The following WBP2NL variants were observed in gnomAD, a reference collection of about 807,000 sequenced individuals.
WBP2NL encodes the protein WBP2 N-terminal like, also known as postacrosomal sheath WW domain-binding protein.
WBP2NL carries 27 observed loss-of-function variants against 23.3 expected under a neutral mutation model. The ratio of observed to expected loss-of-function variants is 1.16; its 90% CI spans 0.85 to 1.60. The LOEUF (loss-of-function observed/expected upper bound fraction) is 1.60. WBP2NL is among the 40% of genes most tolerant of loss of function. The pLI, the probability that WBP2NL is intolerant of heterozygous loss-of-function variation, is 0.00. For missense variants in WBP2NL, 370 were observed against 389.5 expected, an observed-to-expected ratio of 0.95 and a Z score of 0.42; for synonymous variants, 151 against 145.9, an observed-to-expected ratio of 1.03 and a Z score of -0.25.
intron 1 of WBP2NL, among the ~76,000 whole-genome samples, chr22:42,010,131 A>G (rs563685240): frequency 1.2e-3 from 182 of 152,332 alleles, no homozygotes; most frequent in African/African-American, 4.3e-3. Flanking sequence ...TAGAAATGCA[A>G]CTATATTTGT....
At chr22:42,001,181 G>T in intron 1 of WBP2NL, 1 of 784,996 alleles carries the variant, frequency 1.3e-6, no homozygotes, top group Non-Finnish European at 2.3e-6. Flanking sequence ...TTCATCATGA[G>T]TAATCTTCCT....
rs199831695 is a variant in WBP2NL, at chr22:42,022,245, C to G, written c.407-4C>G. ...TTCCTATTTTGCCAAATTTGTCTTTCCAGCTGCCCGAGGATTTCCACTTAG... is the reference window on the plus strand; with the variant it reads ...TTCCTATTTTGCCAAATTTGTCTTTGCAGCTGCCCGAGGATTTCCACTTAG... On this transcript the variant is annotated splice_polypyrimidine_tract_variant and splice_region_variant and intron_variant, in intron 4 of 5. Coordinates refer to ENST00000328823, the MANE Select transcript of WBP2NL (RefSeq NM_152613.3). 44 of 1,614,066 alleles carry G rather than the reference C, an allele frequency of 2.7e-5. No homozygotes were observed. The African/African-American group carries it at 5.1e-4, about 19-fold the overall frequency.
At chr22:42,007,247 G>C (rs1282940751) in intron 1 of WBP2NL, among the ~76,000 whole-genome samples, 3 of 151,644 alleles carry the variant, frequency 2.0e-5, no homozygotes, top group Admixed American at 2.0e-4. Context: ...TGGTTTTTTT[G>C]GTCATTACTA....
intron 1 of WBP2NL, among the ~76,000 whole-genome samples, chr22:42,017,525 C>T (rs962978424): frequency 1.3e-5 from 2 of 152,106 alleles, no homozygotes; most frequent in Non-Finnish European, 2.9e-5. Flanking sequence ...CAGTTTGTTA[C>T]TAATAAATGT....
At chr22:42,015,420 T>G (rs1340066531) in intron 1 of WBP2NL, among the ~76,000 whole-genome samples, 2 of 152,120 alleles carry the variant, frequency 1.3e-5, no homozygotes, top group East Asian at 3.9e-4. Context: ...CTTTTTTTTT[T>G]GAGACAGAGT....
chr22:42,005,150 G>A (rs1445715442), intron 1 of WBP2NL, among the ~76,000 whole-genome samples: 1 of 151,888 alleles, frequency 6.6e-6, no homozygotes, highest in Non-Finnish European at 1.5e-5. Context: ...CCAGGAGGCG[G>A]AGGTTGCAAT....
chr22:42,007,519 C>G (rs530633111), intron 1 of WBP2NL, among the ~76,000 whole-genome samples: 13 of 152,310 alleles, frequency 8.5e-5, no homozygotes, highest in African/African-American at 3.1e-4. Flanking sequence ...CTTCACCATA[C>G]TTTTCCCAAC....
At chr22:42,025,642 A>G (rs1483288241) in intron 5 of WBP2NL, among the ~76,000 whole-genome samples, 4 of 152,124 alleles carry the variant, frequency 2.6e-5, no homozygotes, top group Admixed American at 2.6e-4. Flanking sequence ...GCTTGGGTTT[A>G]TTTCTGGACT....
At chr22:42,003,162 A>AG (rs1921871392) in intron 1 of WBP2NL, 1 of 151,870 alleles carries the variant, frequency 6.6e-6, no homozygotes, top group Non-Finnish European at 1.4e-5. Context: ...CCATCTCAAA[A>AG]AAAAAAAAAA....
At chr22:42,043,212 A>G (rs1046655486) in intron 8 of WBP2NL, among the ~76,000 whole-genome samples, 1 of 151,966 alleles carries the variant, frequency 6.6e-6, no homozygotes, top group Non-Finnish European at 1.5e-5. Context: ...GGAGCAGTAC[A>G]GTGTTTTATT....
chr22:42,027,364 C>A lies in WBP2NL; in HGVS notation c.*183C>A. On this transcript the variant is annotated 3_prime_UTR_variant, in exon 6 of 6. Transcript: ENST00000328823. ...TACTTCTGTGCCTAGATTTTAGAAG[C>A]AGAATCAACTCTTAAATAGCTGGCT... 2 of 701,658 alleles carry A rather than the reference C, an allele frequency of 2.9e-6. No homozygotes were observed. Among genetic ancestry groups the A allele is most frequent in the Non-Finnish European group, 4.4e-6 (2 of 458,670 alleles). 43.5% of individuals were successfully genotyped at this position (701,658 alleles called of 1,614,324 possible).
chr22:42,037,430 GT>G (rs1279058354), downstream of WBP2NL, among the ~76,000 whole-genome samples: 1 of 151,134 alleles, frequency 6.6e-6, no homozygotes, highest in African/African-American at 2.4e-5. Context: ...GCTATTCAGG[GT>G]TTTTTGTAGT....
At chr22:42,035,552 A>G (rs965600816), downstream of WBP2NL, among the ~76,000 whole-genome samples, 1 of 152,244 alleles carries the variant, frequency 6.6e-6, no homozygotes, top group African/African-American at 2.4e-5. Context: ...AGCCAGCGTG[A>G]TGGCAGCAGC....
chr22:42,028,436 A>G lies in WBP2NL; in HGVS notation c.*1255A>G, dbSNP rs1021453864. On this transcript the variant is annotated 3_prime_UTR_variant, in exon 6 of 6. Transcript: ENST00000328823. ...CCATTTCAACCAAAATTAATAGGCC[A>G]TAAATGTGATAGAGGAAATAAAAGG... The G allele has an allele frequency of 4.0e-5, 7 of 176,730 alleles. No homozygotes were observed. The highest frequency in any genetic ancestry group is 7.1e-5 in the Non-Finnish European group (6 of 84,982). 10.9% of individuals were successfully genotyped at this position (176,730 alleles called of 1,614,324 possible). A position where few individuals can be genotyped will look rare whatever the true frequency, so the allele number is the denominator to read the frequency against.
chr22:42,012,544 T>G (rs937678433), intron 1 of WBP2NL, among the ~76,000 whole-genome samples: 3 of 152,232 alleles, frequency 2.0e-5, no homozygotes, highest in African/African-American at 7.2e-5. Flanking sequence ...TTTCTTTCCA[T>G]TGTAATCAGA....
intron 5 of WBP2NL, among the ~76,000 whole-genome samples, chr22:42,024,506 A>T (rs9611714): frequency 0.034 from 4,454 of 132,742 alleles, 96 homozygotes; most frequent in East Asian, 0.063. Flanking sequence ...TCCTTTTTTT[A>T]AAAAAAAAAA....
At chr22:42,047,374 G>A (rs895316745) in intron 8 of WBP2NL, among the ~76,000 whole-genome samples, 2 of 151,730 alleles carry the variant, frequency 1.3e-5, no homozygotes, top group Non-Finnish European at 1.5e-5. Flanking sequence ...GCCAGATGTG[G>A]TGGCTCATGC....
chr22:42,052,432 C>T (rs2146825419), intron 8 of WBP2NL, among the ~76,000 whole-genome samples: 1 of 152,220 alleles, frequency 6.6e-6, no homozygotes, highest in East Asian at 1.9e-4. Context: ...GTGTGTACCA[C>T]CATGCCCAGC....
chr22:42,026,704 C>G (rs1417085334), intron 5 of WBP2NL, 62 bp from the exon 6 acceptor site: 1 of 1,558,410 alleles, frequency 6.4e-7, no homozygotes, highest in Non-Finnish European at 8.7e-7. Flanking sequence ...TAAGTTCTTC[C>G]TTCTCACATA....
Sources: gnomAD v4.1 joint callset for allele counts (sites outside exome capture counted in the v4.1 genomes callset) on GRCh38, gnomAD v4.1.1 for gene constraint, MANE v1.5 for transcripts, NCBI Gene and HGNC (gene_info 2026-07-23, HGNC 2026-07-21) for gene names.